The following HS3ST4 variants were observed in gnomAD, a reference collection of about 807,000 sequenced individuals.
HS3ST4 encodes heparan sulfate-glucosamine 3-sulfotransferase 4, also known as heparan sulfate glucosamine 3-O-sulfotransferase 4.
Under a neutral mutation model 29.2 loss-of-function variants are expected in HS3ST4, and 17 were observed. That is an observed-to-expected ratio of 0.58 (90% CI 0.40 to 0.87). The LOEUF (loss-of-function observed/expected upper bound fraction) is 0.87, where lower values mean the gene tolerates loss of function less well. Ranked by LOEUF, HS3ST4 falls within the 40% of genes least tolerant of loss-of-function variation. The pLI is 0.00. For synonymous variants in HS3ST4, 314 were observed against 285.7 expected (o/e 1.10, Z -1.00); for missense variants, 627 against 634.5 (o/e 0.99, Z 0.13).
rs574718264 is a variant in HS3ST4, at chr16:25,706,691, T to A, written c.734+13540T>A. Among the ~76,000 whole-genome samples the A allele has an allele frequency of 2.6e-5, 4 of 152,290 alleles. No individual in the cohort carries two copies. In the East Asian group the frequency reaches 7.7e-4, roughly 29 times the overall value. On this transcript the variant is annotated intron_variant, in intron 1 of 1. Transcript: ENST00000331351. The stretch of plus-strand genomic sequence containing the variant: ...AGAATAATGACCTCCCTGAAATGCC[T>A]GCATCCTAATCCCTGGAACCTGCAA...
At chr16:25,981,052 G>T (rs1295013444) in intron 1 of HS3ST4, among the ~76,000 whole-genome samples, 1 of 152,048 alleles carries the variant, frequency 6.6e-6, no homozygotes, top group African/African-American at 2.4e-5. Flanking sequence ...GCATGTGAGG[G>T]TTCCATAAAG....
At position 25,692,825 on chromosome 16, in the gene HS3ST4, G is replaced by A; in HGVS notation, c.408G>A (p.Gln136=). Residue 136 remains glutamine, a synonymous_variant, in exon 1 of 2, where the codon CAG becomes CAA. Coordinates refer to ENST00000331351, the MANE Select transcript of HS3ST4 (RefSeq NM_006040.3). ...TGCCGAGCGGCGGCGGAGGCGCCCAGGACGCCTGGCTCCGGACCCCGCTGG... is the reference window on the plus strand; with the variant it reads ...TGCCGAGCGGCGGCGGAGGCGCCCAAGACGCCTGGCTCCGGACCCCGCTGG... ...WGLPSGGGGA[Q]DAWLRTPLAP... is the part of the protein sequence containing the mutation. The A allele has an allele frequency of 2.2e-6, 3 of 1,390,314 alleles. No homozygotes were observed. Among genetic ancestry groups the A allele is most frequent in the Non-Finnish European group, 2.8e-6 (3 of 1,079,124 alleles). 86.1% of individuals were successfully genotyped at this position (1,390,314 alleles called of 1,614,324 possible). A position where few individuals can be genotyped will look rare whatever the true frequency, so the allele number is the denominator to read the frequency against.
chr16:25,918,840 A>G (rs1268177661), intron 1 of HS3ST4, among the ~76,000 whole-genome samples: 1 of 152,062 alleles, frequency 6.6e-6, no homozygotes, highest in Admixed American at 6.5e-5. Flanking sequence ...AGCCTGCTGG[A>G]GGGGTTGCCA....
intron 1 of HS3ST4, among the ~76,000 whole-genome samples, chr16:26,082,498 A>G (rs1303247214): frequency 6.6e-6 from 1 of 152,188 alleles, no homozygotes; most frequent in African/African-American, 2.4e-5. Context: ...TCACTTGGGC[A>G]CATTACCTAA....
rs58243359 is a variant in HS3ST4 at position 25,904,269 on chromosome 16, T to G, written c.734+211118T>G. On this transcript the variant is annotated intron_variant, in intron 1 of 1. Coordinates refer to ENST00000331351, the MANE Select transcript of HS3ST4 (RefSeq NM_006040.3). Reference sequence around the variant, plus strand: ...ATGGATGGAAGAATGGATGGATGAGTGAATGATGTTTGGCATTTCTAACCT... The same window carrying G: ...ATGGATGGAAGAATGGATGGATGAGGGAATGATGTTTGGCATTTCTAACCT... Among the ~76,000 whole-genome samples the G allele has an allele frequency of 2.6e-5, 4 of 152,176 alleles. No individual in the cohort carries two copies. The East Asian group carries it at 7.7e-4, about 29-fold the overall frequency.
intron 1 of HS3ST4, among the ~76,000 whole-genome samples, chr16:25,766,657 A>G (rs1427024495): frequency 6.6e-6 from 1 of 152,248 alleles, no homozygotes; most frequent in East Asian, 1.9e-4. Context: ...AGACACTGTA[A>G]TAAACATTGG....
At chr16:26,025,698 G>A (rs1007996219) in intron 1 of HS3ST4, among the ~76,000 whole-genome samples, 4 of 152,204 alleles carry the variant, frequency 2.6e-5, no homozygotes, top group Admixed American at 6.5e-5. Context: ...TCATGGGATC[G>A]TAGGCAATAA....
intron 1 of HS3ST4, among the ~76,000 whole-genome samples, chr16:26,051,715 A>G (rs1898347884): frequency 7.0e-6 from 1 of 143,092 alleles, no homozygotes; most frequent in South Asian, 2.3e-4. Context: ...TCTTTCTCTA[A>G]TCTCTTTTAT....
intron 1 of HS3ST4, among the ~76,000 whole-genome samples, chr16:25,959,127 C>T (rs763862625): frequency 5.9e-5 from 9 of 151,930 alleles, no homozygotes; most frequent in Non-Finnish European, 1.0e-4. Context: ...TGGAGTGGGC[C>T]GAAGTGTGGA....
At chr16:25,955,740 G>C (rs1968725521) in intron 1 of HS3ST4, among the ~76,000 whole-genome samples, 1 of 152,058 alleles carries the variant, frequency 6.6e-6, no homozygotes, top group Non-Finnish European at 1.5e-5. Context: ...AATGATACCA[G>C]TGTGAGTAAG....
intron 1 of HS3ST4, among the ~76,000 whole-genome samples, chr16:25,958,859 G>A (rs113158806): frequency 0.016 from 2,400 of 152,226 alleles, 67 homozygotes; most frequent in African/African-American, 0.056. Flanking sequence ...CAAGGTGGCC[G>A]ACTTCCCTCA....
At chr16:25,851,165 A>G (rs1409235993) in intron 1 of HS3ST4, among the ~76,000 whole-genome samples, 1 of 152,216 alleles carries the variant, frequency 6.6e-6, no homozygotes, top group Non-Finnish European at 1.5e-5. Context: ...CCCATCCTGT[A>G]CTAGCACTGG....
At chr16:25,768,502 G>A (rs945258301) in intron 1 of HS3ST4, among the ~76,000 whole-genome samples, 3 of 152,108 alleles carry the variant, frequency 2.0e-5, no homozygotes, top group Non-Finnish European at 2.9e-5. Flanking sequence ...GGTGTGAGCC[G>A]ACCAGGAGCT....
chr16:25,838,716 G>T (rs568560870), intron 1 of HS3ST4, among the ~76,000 whole-genome samples: 1 of 152,148 alleles, frequency 6.6e-6, no homozygotes, highest in African/African-American at 2.4e-5. Context: ...CGTCCTTCCA[G>T]AGAAGCTAGA....
In HS3ST4 at chr16:25,850,129, AG is replaced by A. The variant is rs1470857303; in HGVS notation, c.734+156979del. 2.1e-4 allele frequency among the ~76,000 whole-genome samples: 32 copies of A among 151,364 alleles called. 1 individual carries two copies. Among genetic ancestry groups the A allele is most frequent in the Non-Finnish European group, 4.4e-5 (3 of 67,958 alleles). On this transcript the variant is annotated intron_variant, in intron 1 of 1. Coordinates refer to ENST00000331351, the MANE Select transcript of HS3ST4 (RefSeq NM_006040.3). ...ATTCTCCTGCCTCAGTCTCTCGAGT[AG>A]CTGGGATTACAGGCATGCACCACCA...
chr16:25,776,415 C>G (rs1440902324), intron 1 of HS3ST4, among the ~76,000 whole-genome samples: 1 of 152,176 alleles, frequency 6.6e-6, no homozygotes, highest in Non-Finnish European at 1.5e-5. Flanking sequence ...CCATTTGTCT[C>G]TTATCTACCT....
intron 1 of HS3ST4, among the ~76,000 whole-genome samples, chr16:25,827,849 C>A (rs1348858956): frequency 6.6e-6 from 1 of 152,148 alleles, no homozygotes; most frequent in Non-Finnish European, 1.5e-5. Context: ...GTGAAATTAT[C>A]CTCCATGTTA....
intron 1 of HS3ST4, among the ~76,000 whole-genome samples, chr16:25,950,934 C>T (rs1373802484): frequency 6.6e-6 from 1 of 152,196 alleles, no homozygotes; most frequent in African/African-American, 2.4e-5. Flanking sequence ...TTATTGAAAA[C>T]ATAGTCTGTG....
At chr16:26,049,073 T>C (rs941732180) in intron 1 of HS3ST4, among the ~76,000 whole-genome samples, 2 of 152,080 alleles carry the variant, frequency 1.3e-5, no homozygotes, top group Admixed American at 6.5e-5. Flanking sequence ...ATGATTGCCT[T>C]TTATTTGTGG....
Sources: gnomAD v4.1 joint callset for allele counts (sites outside exome capture counted in the v4.1 genomes callset) on GRCh38, gnomAD v4.1.1 for gene constraint, MANE v1.5 for transcripts, NCBI Gene and HGNC (gene_info 2026-07-23, HGNC 2026-07-21) for gene names.